STIM2: variants seen among roughly 807,000 people sequenced by gnomAD.
STIM2 encodes the protein stromal interaction molecule 2.
In STIM2, 31 loss-of-function variants were observed where a neutral mutation model predicts 85.8. That is an observed-to-expected ratio of 0.36 (90% confidence interval 0.27 to 0.49). The LOEUF (loss-of-function observed/expected upper bound fraction) is 0.49. Among genes scored for constraint, STIM2 ranks in the 20% least tolerant of loss-of-function variants. STIM2 has a pLI of 0.98. For missense variants in STIM2, 841 were observed against 927.6 expected, an observed-to-expected ratio of 0.91 and a Z score of 1.21; for synonymous variants, 356 against 331.1, an observed-to-expected ratio of 1.08 and a Z score of -0.82.
chr4:26,994,210 T>A (rs1727870487), intron 3 of STIM2, among the ~76,000 whole-genome samples: 1 of 152,138 alleles, frequency 6.6e-6, no homozygotes, highest in Non-Finnish European at 1.5e-5. Flanking sequence ...TACACTTAAA[T>A]GTCAAATGCA....
intron 7 of STIM2, among the ~76,000 whole-genome samples, chr4:27,004,852 G>C (rs1425137225): frequency 6.6e-6 from 1 of 152,180 alleles, no homozygotes; most frequent in Non-Finnish European, 1.5e-5. Context: ...TTTTCTGAGG[G>C]CTTACTGTGT....
intron 2 of STIM2, among the ~76,000 whole-genome samples, chr4:26,944,403 C>G (rs748383152): frequency 5.3e-5 from 8 of 152,048 alleles, no homozygotes; most frequent in Non-Finnish European, 8.8e-5. Context: ...TTCTTAGTTT[C>G]TGGGTCTCAC....
In STIM2 at chr4:27,008,741, A is replaced by G. The variant is rs781491246; in HGVS notation, c.1251-23A>G. On this transcript the variant is annotated intron_variant, in intron 9 of 11. Transcript: ENST00000467087. ...TTAAAGACCTTTTGATGCAGTAAGT[A>G]ATTTCTTTATTGGCTTTTCCAGGAA... is the stretch of plus-strand genomic sequence containing the variant. 4 of 1,610,698 alleles carry G rather than the reference A, an allele frequency of 2.5e-6. No individual in the cohort carries two copies. The East Asian group carries it at 8.9e-5, about 36-fold the overall frequency.
chr4:26,955,448 CATT>C (rs1446429411), intron 2 of STIM2, among the ~76,000 whole-genome samples: 5 of 147,944 alleles, frequency 3.4e-5, no homozygotes, highest in Admixed American at 6.6e-5. Context: ...CTGCTATGTC[CATT>C]ATTATGATTT....
At chr4:26,959,152 T>G (rs1374066565) in intron 3 of STIM2, among the ~76,000 whole-genome samples, 2 of 152,184 alleles carry the variant, frequency 1.3e-5, no homozygotes, top group Admixed American at 1.3e-4. Flanking sequence ...CTCAGAGTAA[T>G]AGTCCAAATC....
intron 10 of STIM2, among the ~76,000 whole-genome samples, chr4:27,011,386 G>A (rs922359237): frequency 2.0e-5 from 3 of 152,056 alleles, no homozygotes; most frequent in African/African-American, 2.4e-5. Context: ...TAGTTTATCC[G>A]TTTTTCTACT....
intron 3 of STIM2, among the ~76,000 whole-genome samples, chr4:26,987,845 G>A (rs1468811428): frequency 3.9e-5 from 6 of 152,212 alleles, no homozygotes; most frequent in African/African-American, 1.4e-4. Flanking sequence ...AGTACTATAT[G>A]TCTGAAAGGT....
chr4:26,936,980 G>A (rs1725417029), intron 2 of STIM2, among the ~76,000 whole-genome samples: 1 of 151,904 alleles, frequency 6.6e-6, no homozygotes, highest in Admixed American at 6.6e-5. Flanking sequence ...GTAGAGATGG[G>A]GTTCCAGCGT....
chr4:27,002,327 G>T lies in STIM2; in HGVS notation c.736G>T (p.Ala246Ser). Residue 246 changes from alanine to serine, a missense_variant, in exon 6 of 12, where the codon GCA becomes TCA. Coordinates refer to ENST00000467087, the MANE Select transcript of STIM2 (RefSeq NM_020860.4). ...GAATAAGACATCAAAAGAACATGTT[G>T]CAAAAATGATGAAAGATTTAGAGAG... is the stretch of plus-strand genomic sequence containing the variant. The T allele has an allele frequency of 6.2e-7, 1 of 1,613,398 alleles. No individual in the cohort carries two copies. The highest frequency in any genetic ancestry group is 8.5e-7 in the Non-Finnish European group (1 of 1,179,764).
intron 3 of STIM2, among the ~76,000 whole-genome samples, 159 bp downstream of exon 3, chr4:26,957,885 G>A (rs893237505): frequency 1.3e-5 from 2 of 152,062 alleles, no homozygotes; most frequent in Non-Finnish European, 2.9e-5. Flanking sequence ...TCTTGTTTTT[G>A]ATAGATGATT....
intron 3 of STIM2, among the ~76,000 whole-genome samples, chr4:26,994,656 A>G (rs1241774441): frequency 6.6e-6 from 1 of 152,132 alleles, no homozygotes; most frequent in East Asian, 1.9e-4. Context: ...AGAGTTCTTG[A>G]AAGCCTTTCA....
chr4:26,993,377 A>G (rs17631961), intron 3 of STIM2, among the ~76,000 whole-genome samples: 7,263 of 152,210 alleles, frequency 0.048, 180 homozygotes, highest in South Asian at 0.077. Flanking sequence ...TTGTTTCAAT[A>G]TAAAACTATC....
intron 1 of STIM2, chr4:26,881,465 CAAAA>C (rs33990831): frequency 3.3e-5 from 4 of 121,244 alleles, no homozygotes; most frequent in African/African-American, 9.5e-5. Flanking sequence ...GACTCCATCT[CAAAA>C]AAAAAAAAAA....
intron 2 of STIM2, among the ~76,000 whole-genome samples, chr4:26,934,195 A>G (rs1725313657): frequency 6.6e-6 from 1 of 152,238 alleles, no homozygotes; most frequent in Non-Finnish European, 1.5e-5. Flanking sequence ...CTATCTCAAA[A>G]AAAGAAAAAA....
intron 3 of STIM2, among the ~76,000 whole-genome samples, chr4:26,962,332 A>G (rs1410911339): frequency 1.3e-5 from 2 of 152,206 alleles, no homozygotes; most frequent in Non-Finnish European, 1.5e-5. Flanking sequence ...ATAAACTAAA[A>G]AGTTCGGCCA....
At position 26,861,259 on chromosome 4, in the gene STIM2, G is replaced by T; in HGVS notation, c.41G>T (p.Gly14Val). 6.8e-7 allele frequency: 1 copy of T among 1,480,810 alleles called. No individual in the cohort carries two copies. Among genetic ancestry groups the T allele is most frequent in the South Asian group, 1.3e-5 (1 of 79,220 alleles). 91.7% of individuals were successfully genotyped at this position (1,480,810 alleles called of 1,614,324 possible). A position where few individuals can be genotyped will look rare whatever the true frequency, so the allele number is the denominator to read the frequency against. ...CTGCTGGTAGCCGGAGCGGCGGACGGATGCGAGCTTGTGCCCCGGCACCTC... is the reference window on the plus strand; with the variant it reads ...CTGCTGGTAGCCGGAGCGGCGGACGTATGCGAGCTTGTGCCCCGGCACCTC... Residue 14 changes from glycine to valine, a missense_variant, in exon 1 of 12, where the codon GGA (glycine) becomes GTA (valine). Transcript: ENST00000467087.
chr4:26,974,581 C>T (rs998018621), intron 3 of STIM2, among the ~76,000 whole-genome samples: 4 of 152,244 alleles, frequency 2.6e-5, no homozygotes, highest in African/African-American at 9.6e-5. Context: ...TCTCTTGTGG[C>T]TTGTAGGGTT....
intron 1 of STIM2, among the ~76,000 whole-genome samples, chr4:26,880,233 C>T (rs1722954445): frequency 6.6e-6 from 1 of 152,132 alleles, no homozygotes; most frequent in Admixed American, 6.6e-5. Context: ...GGCCCTGGCG[C>T]TTGAGGTTTC....
intron 1 of STIM2, among the ~76,000 whole-genome samples, chr4:26,914,276 A>C (rs1277468539): frequency 6.6e-6 from 1 of 152,238 alleles, no homozygotes; most frequent in East Asian, 1.9e-4. Context: ...TTATATAAGT[A>C]TATTTTATGC....
Sources: allele counts gnomAD v4.1 joint callset (sites outside exome capture counted in the v4.1 genomes callset), GRCh38; gene constraint gnomAD v4.1.1; transcripts MANE v1.5; gene names NCBI Gene and HGNC (gene_info 2026-07-23, HGNC 2026-07-21).